The following POLE2 variants were observed in gnomAD, a reference collection of about 807,000 sequenced individuals.
POLE2 encodes the protein DNA polymerase epsilon 2, accessory subunit, also known as DNA polymerase epsilon subunit 2.
POLE2 carries 56 observed loss-of-function variants against 79.4 expected under a neutral mutation model. The observed-to-expected ratio is 0.71, with a 90% CI of 0.57 to 0.88. The LOEUF (loss-of-function observed/expected upper bound fraction) is 0.88, where lower values mean the gene tolerates loss of function less well. Ranked by LOEUF, POLE2 falls within the 40% of genes least tolerant of loss-of-function variation. The pLI is 0.00. For missense variants in POLE2, 598 were observed against 638.9 expected, an observed-to-expected ratio of 0.94 and a Z score of 0.69; for synonymous variants, 212 against 214.0, an observed-to-expected ratio of 0.99 and a Z score of 0.08.
intron 5 of POLE2, among the ~76,000 whole-genome samples, chr14:49,670,676 G>A (rs1370836876): frequency 6.6e-6 from 1 of 152,202 alleles, no homozygotes; most frequent in Non-Finnish European, 1.5e-5. Flanking sequence ...TTAGAAAAGA[G>A]GAACTCTCTT....
chr14:49,665,560 T>A (rs2139651451), intron 7 of POLE2, among the ~76,000 whole-genome samples: 1 of 152,294 alleles, frequency 6.6e-6, no homozygotes, highest in African/African-American at 2.4e-5. Flanking sequence ...AGGCCTAATT[T>A]CAGGCTATGC....
At position 49,669,676 on chromosome 14, in the gene POLE2, A is replaced by G. The variant is rs1885735387; in HGVS notation, c.418-78T>C. 9.3e-6 allele frequency: 7 copies of G among 756,150 alleles called. No individual in the cohort carries two copies. The Middle Eastern group carries it at 7.1e-4, about 77-fold the overall frequency. The allele number at this position is 756,150 out of a possible 1,614,324, so 46.8% of individuals were successfully genotyped here. A position where few individuals can be genotyped will look rare whatever the true frequency, so the allele number is the denominator to read the frequency against. ...GATTCATTAAAATAGTGCCCTGATGAAACACTGTCCTTAAACTAATGTCAC... is the reference window on the plus strand; with the variant it reads ...GATTCATTAAAATAGTGCCCTGATGGAACACTGTCCTTAAACTAATGTCAC... On this transcript the variant is annotated intron_variant, in intron 5 of 18. Coordinates refer to ENST00000216367, the MANE Select transcript of POLE2 (RefSeq NM_002692.4).
chr14:49,647,460 TATTTA>T, intron 17 of POLE2, 100 bp from the exon 18 acceptor site: 1 of 401,354 alleles, frequency 2.5e-6, no homozygotes, highest in African/African-American at 2.1e-5. Flanking sequence ...TTATTTTATT[TATTTA>T]TTTTTTTTTT....
chr14:49,654,684 C>A, intron 13 of POLE2, 100 bp downstream of exon 13: 1 of 1,320,770 alleles, frequency 7.6e-7, no homozygotes, highest in Non-Finnish European at 1.0e-6. Flanking sequence ...CTTTATCTTT[C>A]TTCCTTAGTT....
In POLE2 at chr14:49,649,349, T is replaced by C. The variant is rs183181092; in HGVS notation, c.1497+916A>G. Among the ~76,000 whole-genome samples, 1,313 of 151,532 alleles carry C rather than the reference T, an allele frequency of 8.7e-3. 9 individuals carry two copies. Among genetic ancestry groups the C allele is most frequent in the Non-Finnish European group, 0.012 (815 of 67,936 alleles). ...TTTTAGTAGAGACGGGGTTGCACCATGTTAGCCAGGATGGTCTCGATCTCC... is the reference window on the plus strand; with the variant it reads ...TTTTAGTAGAGACGGGGTTGCACCACGTTAGCCAGGATGGTCTCGATCTCC... On this transcript the variant is annotated intron_variant, in intron 17 of 18. Coordinates refer to ENST00000216367, the MANE Select transcript of POLE2 (RefSeq NM_002692.4).
intron 18 of POLE2, among the ~76,000 whole-genome samples, chr14:49,644,162 A>G (rs987472135): frequency 3.0e-4 from 45 of 150,202 alleles, no homozygotes; most frequent in African/African-American, 1.0e-3. Context: ...GATTAGAGGC[A>G]TGAGCCACCG....
chr14:49,681,672 G>A (rs1368120308), intron 2 of POLE2, among the ~76,000 whole-genome samples: 1 of 152,066 alleles, frequency 6.6e-6, no homozygotes, highest in African/African-American at 2.4e-5. Context: ...TACTCAGGAG[G>A]CTGGGACAGA....
chr14:49,666,182 C>G, intron 7 of POLE2, 148 bp downstream of exon 7: 1 of 612,964 alleles, frequency 1.6e-6, no homozygotes, highest in Non-Finnish European at 2.9e-6. Flanking sequence ...ACTATTTCCT[C>G]GTATTACCAC....
intron 13 of POLE2, 119 bp downstream of exon 13, chr14:49,654,665 T>G (rs1391153275): frequency 4.1e-6 from 5 of 1,206,922 alleles, no homozygotes; most frequent in Non-Finnish European, 4.5e-6. Context: ...GTTCTTTTAA[T>G]TTTCTCAACT....
chr14:49,661,741 A>AT (rs1006003174), intron 10 of POLE2, among the ~76,000 whole-genome samples: 7 of 152,168 alleles, frequency 4.6e-5, no homozygotes, highest in African/African-American at 1.7e-4. Flanking sequence ...AGCCCCCTGA[A>AT]TTTTATATTT....
intron 5 of POLE2, among the ~76,000 whole-genome samples, chr14:49,673,462 TG>T (rs1218287212): frequency 6.6e-5 from 10 of 152,364 alleles, no homozygotes; most frequent in Non-Finnish European, 1.2e-4. Flanking sequence ...CATTTTTTGC[TG>T]TACCTTTCTT....
chr14:49,669,677 A>C, intron 5 of POLE2, 79 bp from the exon 6 acceptor site: 2 of 748,860 alleles, frequency 2.7e-6, no homozygotes, highest in South Asian at 3.1e-5. Context: ...GCCCTGATGA[A>C]ACACTGTCCT....
intron 5 of POLE2, among the ~76,000 whole-genome samples, chr14:49,671,335 T>C (rs1404822766): frequency 1.3e-5 from 2 of 152,056 alleles, no homozygotes; most frequent in Non-Finnish European, 2.9e-5. Flanking sequence ...GACGTACTAC[T>C]GAGTTGGGCA....
chr14:49,665,144 T>C lies in POLE2; in HGVS notation c.596A>G (p.Asp199Gly). 2 of 1,402,878 alleles carry C rather than the reference T, an allele frequency of 1.4e-6. No individual in the cohort carries two copies. The highest frequency in any genetic ancestry group is 2.0e-6 in the Non-Finnish European group (2 of 992,452). 86.9% of individuals were successfully genotyped at this position (1,402,878 alleles called of 1,614,324 possible). A position where few individuals can be genotyped will look rare whatever the true frequency, so the allele number is the denominator to read the frequency against. Reference protein sequence around the residue: ...QLKEGKFFLEDPTGTVQLDLS... With the variant: ...QLKEGKFFLEGPTGTVQLDLS... Reference sequence around the variant, plus strand: ...GTCTAGTTGGACTGTTCCAGTAGGATCTTCCAGAAAAAATTTTCCCTAAAA... The same window carrying C: ...GTCTAGTTGGACTGTTCCAGTAGGACCTTCCAGAAAAAATTTTCCCTAAAA... The change falls in exon 8 of 19, where the codon GAT (aspartate) becomes GGT (glycine). Residue 199 changes from aspartate to glycine, a missense_variant. By Grantham distance (94) the Asp-to-Gly change is moderately conservative. Transcript: ENST00000216367.
chr14:49,685,830 T>C (rs1887094303), intron 1 of POLE2, among the ~76,000 whole-genome samples: 2 of 151,740 alleles, frequency 1.3e-5, no homozygotes, highest in South Asian at 4.2e-4. Flanking sequence ...GGTTTCATCA[T>C]GTTGGTCAGG....
chr14:49,659,906 G>A (rs1884978961), intron 10 of POLE2, among the ~76,000 whole-genome samples: 1 of 152,110 alleles, frequency 6.6e-6, no homozygotes, highest in Admixed American at 6.6e-5. Context: ...ATTTCTTACT[G>A]AAGAAAGAAA....
intron 10 of POLE2, among the ~76,000 whole-genome samples, chr14:49,656,757 G>A (rs1159628796): frequency 6.6e-6 from 1 of 152,114 alleles, no homozygotes; most frequent in East Asian, 1.9e-4. Context: ...CCCAAAAGAG[G>A]TTAGATTTTC....
chr14:49,687,963 G>T (rs1887280246), intron 1 of POLE2, among the ~76,000 whole-genome samples, 173 bp downstream of exon 1: 1 of 152,164 alleles, frequency 6.6e-6, no homozygotes, highest in Non-Finnish European at 1.5e-5. Flanking sequence ...CTCCCAAAGT[G>T]CTGGGATTAC....
intron 10 of POLE2, among the ~76,000 whole-genome samples, chr14:49,661,033 G>T (rs553722119): frequency 6.6e-6 from 1 of 152,196 alleles, no homozygotes; most frequent in Admixed American, 6.5e-5. Flanking sequence ...AAGTTCAAGC[G>T]ATTCTCTCAC....
Sources: allele counts gnomAD v4.1 joint callset (sites outside exome capture counted in the v4.1 genomes callset), GRCh38; gene constraint gnomAD v4.1.1; transcripts MANE v1.5; gene names NCBI Gene and HGNC (gene_info 2026-07-23, HGNC 2026-07-21).